L3MBTL3: variants seen among roughly 807,000 people sequenced by gnomAD.
L3MBTL3 encodes the protein L3MBTL histone methyl-lysine binding protein 3, also known as lethal(3)malignant brain tumor-like protein 3.
Under a neutral mutation model 102.3 loss-of-function variants are expected in L3MBTL3, and 27 were observed. That is an observed-to-expected ratio of 0.26 (90% CI 0.19 to 0.36). L3MBTL3 has a LOEUF of 0.36. Ranked by LOEUF, L3MBTL3 falls within the 10% of genes least tolerant of loss-of-function variation. The probability of loss-of-function intolerance (pLI) is 1.00; values close to 1 mark genes in which losing one functional copy is unlikely to be tolerated. For synonymous variants in L3MBTL3, 340 were observed against 320.9 expected, an observed-to-expected ratio of 1.06 and a Z score of -0.64; for missense variants, 798 against 955.3, an observed-to-expected ratio of 0.84 and a Z score of 2.17.
intron 18 of L3MBTL3, among the ~76,000 whole-genome samples, chr6:130,102,214 C>T (rs548523663): frequency 1.7e-4 from 26 of 152,252 alleles, no homozygotes; most frequent in African/African-American, 6.0e-4. Flanking sequence ...CACAGGTCTT[C>T]TTGGGATGAC....
chr6:130,127,840 C>A (rs1384995569), intron 20 of L3MBTL3, among the ~76,000 whole-genome samples: 3 of 152,048 alleles, frequency 2.0e-5, no homozygotes, highest in African/African-American at 4.8e-5. Context: ...TTAATACCTG[C>A]TGCTAGTTTA....
At chr6:130,029,723 G>C (rs554421899) in intron 2 of L3MBTL3, among the ~76,000 whole-genome samples, 6 of 152,078 alleles carry the variant, frequency 3.9e-5, no homozygotes, top group Admixed American at 3.3e-4. Context: ...ATTGGCCTTC[G>C]CACAGTTTTC....
At chr6:130,049,064 A>G (rs1401610048) in intron 3 of L3MBTL3, among the ~76,000 whole-genome samples, 2 of 152,170 alleles carry the variant, frequency 1.3e-5, no homozygotes, top group African/African-American at 4.8e-5. Context: ...ATCCTTCAAC[A>G]GACCTTGCTG....
chr6:130,066,976 G>C (rs891784009), intron 11 of L3MBTL3, among the ~76,000 whole-genome samples: 3 of 152,124 alleles, frequency 2.0e-5, no homozygotes, highest in South Asian at 2.1e-4. Flanking sequence ...TGGCTTAGGT[G>C]GGGGGTTGAA....
chr6:130,070,679 T>G (rs891365763), intron 12 of L3MBTL3, among the ~76,000 whole-genome samples: 4 of 151,812 alleles, frequency 2.6e-5, no homozygotes, highest in African/African-American at 9.7e-5. Flanking sequence ...GTTTTCTAAT[T>G]AAGGCATCAA....
chr6:130,063,031 C>A (rs1421370943), intron 10 of L3MBTL3, among the ~76,000 whole-genome samples: 1 of 137,402 alleles, frequency 7.3e-6, no homozygotes, highest in African/African-American at 2.7e-5. Flanking sequence ...CTTTGCAATG[C>A]AATGGTAAGA....
intron 7 of L3MBTL3, 36 bp from the exon 8 acceptor site, chr6:130,055,135 G>T: frequency 6.5e-7 from 1 of 1,538,206 alleles, no homozygotes; most frequent in South Asian, 1.1e-5. Context: ...CCAATTTCTT[G>T]AACTTTAAAG....
chr6:130,021,409 C>T (rs1191036280), intron 1 of L3MBTL3, among the ~76,000 whole-genome samples: 2 of 152,224 alleles, frequency 1.3e-5, no homozygotes, highest in Non-Finnish European at 2.9e-5. Flanking sequence ...TCTGAGGACT[C>T]AGACCCTGTA....
At chr6:130,058,011 C>T (rs1322569187) in intron 9 of L3MBTL3, among the ~76,000 whole-genome samples, 3 of 151,380 alleles carry the variant, frequency 2.0e-5, no homozygotes, top group African/African-American at 4.9e-5. Flanking sequence ...GGCGCGGTGG[C>T]GGGTGCCTGT....
chr6:130,046,126 G>A (rs962170680), intron 3 of L3MBTL3, among the ~76,000 whole-genome samples: 23 of 152,094 alleles, frequency 1.5e-4, no homozygotes, highest in Admixed American at 1.5e-3. Flanking sequence ...AATTTACAGA[G>A]AATTATTCCT....
chr6:130,042,220 G>T (rs1780465797), intron 2 of L3MBTL3, among the ~76,000 whole-genome samples: 1 of 152,184 alleles, frequency 6.6e-6, no homozygotes, highest in Admixed American at 6.5e-5. Flanking sequence ...TCTTAACAGA[G>T]CCTTTTTATG....
At chr6:130,124,876 A>G (rs764997217) in intron 20 of L3MBTL3, among the ~76,000 whole-genome samples, 5 of 152,136 alleles carry the variant, frequency 3.3e-5, no homozygotes, top group Non-Finnish European at 5.9e-5. Context: ...AGGCTGAGGC[A>G]GGAGAATCAC....
At chr6:130,094,686 C>T (rs1404941891) in intron 18 of L3MBTL3, among the ~76,000 whole-genome samples, 1 of 151,930 alleles carries the variant, frequency 6.6e-6, no homozygotes, top group African/African-American at 2.4e-5. Context: ...GGGGAGACTC[C>T]GTTGATATCA....
At chr6:130,087,496 G>A (rs1337760428) in intron 16 of L3MBTL3, among the ~76,000 whole-genome samples, 4 of 151,952 alleles carry the variant, frequency 2.6e-5, no homozygotes, top group African/African-American at 7.2e-5. Flanking sequence ...ATATTGGTTC[G>A]ACTGCATGAA....
chr6:130,114,915 C>G (rs754524642), intron 19 of L3MBTL3, among the ~76,000 whole-genome samples: 2 of 152,070 alleles, frequency 1.3e-5, no homozygotes, highest in Non-Finnish European at 2.9e-5. Flanking sequence ...CAAGTACAGT[C>G]GCTCTTCATT....
intron 5 of L3MBTL3, among the ~76,000 whole-genome samples, chr6:130,050,952 C>T (rs778841784): frequency 6.6e-6 from 1 of 152,126 alleles, no homozygotes; most frequent in Non-Finnish European, 1.5e-5. Context: ...TCGATATATG[C>T]GTCTTCTGAA....
chr6:130,092,945 C>T (rs1784147262), intron 17 of L3MBTL3, 86 bp downstream of exon 17: 2 of 779,582 alleles, frequency 2.6e-6, no homozygotes, highest in African/African-American at 1.7e-5. Context: ...TTCTTTTTCT[C>T]CTCCTCTCTC....
chr6:130,071,079 A>G lies in L3MBTL3; in HGVS notation c.1196A>G (p.Asn399Ser), dbSNP rs200282626. 3.8e-5 allele frequency: 61 copies of G among 1,613,290 alleles called. No individual in the cohort carries two copies. The highest frequency in any genetic ancestry group is 3.3e-5 in the Non-Finnish European group (39 of 1,179,544). ...CVATVTDMVD[N>S]RFLVHFDNWD... ...GCTACGGTAACAGATATGGTGGACA[A>G]TCGTTTCCTGGTACATTTTGACAAC... The change falls in exon 13 of 23, where the codon AAT becomes AGT. Residue 399 changes from asparagine to serine, a missense_variant. Coordinates refer to ENST00000361794, the MANE Select transcript of L3MBTL3 (RefSeq NM_032438.4).
At chr6:130,107,668 A>G (rs568133734) in intron 19 of L3MBTL3, among the ~76,000 whole-genome samples, 4 of 152,322 alleles carry the variant, frequency 2.6e-5, no homozygotes, top group African/African-American at 4.8e-5. Flanking sequence ...ATTTTCCTCA[A>G]ATGTTATCTT....
Sources: gnomAD v4.1 joint callset for allele counts (sites outside exome capture counted in the v4.1 genomes callset) on GRCh38, gnomAD v4.1.1 for gene constraint, MANE v1.5 for transcripts, NCBI Gene and HGNC (gene_info 2026-07-23, HGNC 2026-07-21) for gene names.